Variants in PBX1 observed in about 807,000 individuals in gnomAD.
The protein encoded by PBX1 is PBX homeobox 1, also known as pre-B-cell leukemia transcription factor 1.
PBX1 carries 6 observed loss-of-function variants against 53.4 expected under a neutral mutation model. The ratio of observed to expected loss-of-function variants is 0.11; its 90% CI spans 0.06 to 0.22. The LOEUF (loss-of-function observed/expected upper bound fraction) is 0.22. Ranked by LOEUF, PBX1 falls within the 10% of genes least tolerant of loss-of-function variation. The probability of loss-of-function intolerance (pLI) is 1.00; values close to 1 mark genes in which losing one functional copy is unlikely to be tolerated. For missense variants in PBX1, 251 were observed against 551.4 expected (o/e 0.46, Z 5.46); for synonymous variants, 204 against 212.3 (o/e 0.96, Z 0.34).
intron 2 of PBX1, among the ~76,000 whole-genome samples, chr1:164,791,446 CG>C (rs1372444790): frequency 3.9e-5 from 6 of 152,200 alleles, no homozygotes; most frequent in Admixed American, 1.3e-4. Flanking sequence ...CCTTATCACT[CG>C]GAACACATAG....
chr1:164,762,988 T>C (rs1053501787), intron 2 of PBX1, among the ~76,000 whole-genome samples: 4 of 152,226 alleles, frequency 2.6e-5, no homozygotes, highest in Non-Finnish European at 5.9e-5. Context: ...GTACTTTTCA[T>C]GTATATTATC....
At position 164,850,049 on chromosome 1, in the gene PBX1, A is replaced by G. The variant is rs1571527666; in HGVS notation, c.*3373A>G. ...CTTGTATATTCAGATAAAGAAAAAA[A>G]AAACCAAAAAAGCGGTCTGAATTTA... On this transcript the variant is annotated 3_prime_UTR_variant, in exon 9 of 9. Coordinates refer to ENST00000420696, the MANE Select transcript of PBX1 (RefSeq NM_002585.4). 8.8e-6 allele frequency: 2 copies of G among 227,488 alleles called. No individual in the cohort carries two copies. Among genetic ancestry groups the G allele is most frequent in the East Asian group, 6.3e-5 (1 of 15,846 alleles). 14.1% of individuals were successfully genotyped at this position (227,488 alleles called of 1,614,324 possible).
At position 164,658,272 on chromosome 1, in the gene PBX1, C is replaced by T. The variant is rs201295580; in HGVS notation, c.265+94961C>T. Among the ~76,000 whole-genome samples the T allele has an allele frequency of 1.5e-3, 224 of 152,254 alleles. 1 individual carries two copies. Among genetic ancestry groups the T allele is most frequent in the Middle Eastern group, 6.8e-3 (2 of 294 alleles). ...GTTTAGCTCAATTGTAAAAGTGACCCTATACCCCAACACCAGTAAAGCAAG... is the reference window on the plus strand; with the variant it reads ...GTTTAGCTCAATTGTAAAAGTGACCTTATACCCCAACACCAGTAAAGCAAG... On this transcript the variant is annotated intron_variant, in intron 2 of 8. Coordinates refer to ENST00000420696, the MANE Select transcript of PBX1 (RefSeq NM_002585.4).
intron 2 of PBX1, among the ~76,000 whole-genome samples, chr1:164,708,475 G>C (rs1271668737): frequency 6.6e-6 from 1 of 152,040 alleles, no homozygotes; most frequent in Non-Finnish European, 1.5e-5. Flanking sequence ...GCTGGGGTTT[G>C]GGCTTCTATT....
At chr1:164,631,962 C>T (rs1658438454) in intron 2 of PBX1, among the ~76,000 whole-genome samples, 1 of 152,234 alleles carries the variant, frequency 6.6e-6, no homozygotes, top group Non-Finnish European at 1.5e-5. Flanking sequence ...TAACACCCCT[C>T]ACCTTCATAG....
intron 2 of PBX1, among the ~76,000 whole-genome samples, chr1:164,576,118 T>G (rs1183581959): frequency 6.6e-6 from 1 of 152,140 alleles, no homozygotes; most frequent in South Asian, 2.1e-4. Context: ...CATCACAAAA[T>G]AAAACTTTTG....
chr1:164,703,409 TGA>T (rs1663247013), intron 2 of PBX1: 2 of 152,088 alleles, frequency 1.3e-5, no homozygotes, highest in Admixed American at 1.3e-4. Context: ...GCATTGTGAG[TGA>T]GAGGAGAATA....
intron 2 of PBX1, among the ~76,000 whole-genome samples, chr1:164,607,217 T>C (rs1656617343): frequency 6.6e-6 from 1 of 152,132 alleles, no homozygotes; most frequent in African/African-American, 2.4e-5. Context: ...ATCAGATTTG[T>C]ACTTTAAGGT....
chr1:164,622,736 A>G (rs1309641268), intron 2 of PBX1, among the ~76,000 whole-genome samples: 1 of 151,966 alleles, frequency 6.6e-6, no homozygotes, highest in East Asian at 1.9e-4. Context: ...TTGAAATCAC[A>G]ACCCACAACC....
intron 2 of PBX1, among the ~76,000 whole-genome samples, chr1:164,751,000 G>C (rs185012314): frequency 2.0e-5 from 3 of 152,116 alleles, no homozygotes; most frequent in South Asian, 2.1e-4. Flanking sequence ...GAGGTCAAAA[G>C]TATATTGATA....
At chr1:164,765,451 G>A (rs910419831) in intron 2 of PBX1, among the ~76,000 whole-genome samples, 6 of 152,320 alleles carry the variant, frequency 3.9e-5, no homozygotes, top group Non-Finnish European at 7.3e-5. Flanking sequence ...ATTGGCTCCC[G>A]ATAATGGCTC....
chr1:164,793,938 G>A (rs1264426905), intron 3 of PBX1, among the ~76,000 whole-genome samples: 2 of 129,578 alleles, frequency 1.5e-5, no homozygotes, highest in Admixed American at 9.2e-5. Flanking sequence ...GCACCGGCAC[G>A]ATCTCTGTTC....
chr1:164,608,355 C>T (rs1415735805), intron 2 of PBX1, among the ~76,000 whole-genome samples: 1 of 152,202 alleles, frequency 6.6e-6, no homozygotes, highest in Non-Finnish European at 1.5e-5. Flanking sequence ...GAGAGCCCAG[C>T]TGAGGCCATT....
chr1:164,636,717 C>T (rs906533099), intron 2 of PBX1, among the ~76,000 whole-genome samples: 2 of 152,170 alleles, frequency 1.3e-5, no homozygotes, highest in East Asian at 3.9e-4. Context: ...ACTTTCTTCT[C>T]AACTTGGCTG....
At chr1:164,742,128 T>C (rs1323066679) in intron 2 of PBX1, among the ~76,000 whole-genome samples, 1 of 152,108 alleles carries the variant, frequency 6.6e-6, no homozygotes, top group Non-Finnish European at 1.5e-5. Flanking sequence ...AACTGCAGAT[T>C]AGGGAAACCT....
chr1:164,597,855 A>G (rs2800790), intron 2 of PBX1, among the ~76,000 whole-genome samples: 66,081 of 151,934 alleles, frequency 0.43, 14,682 homozygotes, highest in East Asian at 0.63. Flanking sequence ...GACTTAAATT[A>G]ATTATTGCTG....
chr1:164,606,701 T>G (rs1656584656), intron 2 of PBX1, among the ~76,000 whole-genome samples: 1 of 152,232 alleles, frequency 6.6e-6, no homozygotes, highest in African/African-American at 2.4e-5. Context: ...TGCTGTATCC[T>G]TAGCAACTAG....
At chr1:164,731,091 G>A (rs750425439) in intron 2 of PBX1, among the ~76,000 whole-genome samples, 17 of 152,068 alleles carry the variant, frequency 1.1e-4, no homozygotes, top group Non-Finnish European at 1.3e-4. Flanking sequence ...ATGGGCGCAC[G>A]CGCATGCATG....
At chr1:164,811,444 C>G (rs1669607474) in intron 5 of PBX1, among the ~76,000 whole-genome samples, 1 of 152,188 alleles carries the variant, frequency 6.6e-6, no homozygotes, top group Non-Finnish European at 1.5e-5. Context: ...TCAGTGAAAT[C>G]TGGTAGATTG....
Sources: gnomAD v4.1 joint callset for allele counts (sites outside exome capture counted in the v4.1 genomes callset) on GRCh38, gnomAD v4.1.1 for gene constraint, MANE v1.5 for transcripts, NCBI Gene and HGNC (gene_info 2026-07-23, HGNC 2026-07-21) for gene names.